PER3: variants seen among roughly 807,000 people sequenced by gnomAD.
PER3 encodes the protein period circadian regulator 3.
A neutral mutation model predicts 127.2 loss-of-function variants in PER3; 107 were observed. That is an observed-to-expected ratio of 0.84 (90% CI 0.72 to 0.99). PER3 has a LOEUF of 0.99. PER3 is among the 50% of genes least tolerant of loss of function. The probability of loss-of-function intolerance (pLI) is 0.00; values close to 1 mark genes in which losing one functional copy is unlikely to be tolerated. For synonymous variants in PER3, 618 were observed against 585.8 expected (o/e 1.05, Z -0.79); for missense variants, 1,560 against 1,525.8 (o/e 1.02, Z -0.37).
chr1:7,817,904 T>G (rs575388517), intron 13 of PER3, among the ~76,000 whole-genome samples: 2 of 152,286 alleles, frequency 1.3e-5, no homozygotes, highest in East Asian at 3.9e-4. Context: ...AATAGTAACT[T>G]TACACAGGAC....
At chr1:7,838,176 T>C (rs1038101157) in intron 21 of PER3, among the ~76,000 whole-genome samples, 2 of 152,220 alleles carry the variant, frequency 1.3e-5, no homozygotes, top group African/African-American at 4.8e-5. Flanking sequence ...ACCCCCTCTT[T>C]TTAAAAACTA....
intron 21 of PER3, among the ~76,000 whole-genome samples, chr1:7,841,784 AT>A (rs2097390639): frequency 1.3e-5 from 2 of 152,174 alleles, no homozygotes; most frequent in African/African-American, 4.8e-5. Context: ...TGGGCTGGTT[AT>A]TGTAAGTGTC....
At chr1:7,793,042 G>A (rs189059859) in intron 5 of PER3, among the ~76,000 whole-genome samples, 25 of 152,262 alleles carry the variant, frequency 1.6e-4, no homozygotes, top group Admixed American at 1.4e-3. Context: ...TTCTGTGATC[G>A]TCTCTTAGAA....
intron 10 of PER3, among the ~76,000 whole-genome samples, chr1:7,807,183 GT>G (rs1315603145): frequency 6.6e-6 from 1 of 152,116 alleles, no homozygotes; most frequent in East Asian, 1.9e-4. Flanking sequence ...GGGAGAGACA[GT>G]TACATAAAAC....
In PER3 at chr1:7,797,848, G is replaced by A. The variant is rs146530087; in HGVS notation, c.645-677G>A. On this transcript the variant is annotated intron_variant, in intron 6 of 21. Coordinates refer to ENST00000377532, the MANE Select transcript of PER3 (RefSeq NM_001377275.1). ...GTGGCATCTCCCAGTAGAAGCATCC[G>A]CTGGGCAGCTGCAGTGGTAACACCG... Among the ~76,000 whole-genome samples the A allele has an allele frequency of 3.0e-3, 455 of 152,206 alleles. 1 individual carries two copies. The highest frequency in any genetic ancestry group is 0.011 in the African/African-American group (438 of 41,528).
At chr1:7,791,984 A>T (rs2097123858) in intron 5 of PER3, among the ~76,000 whole-genome samples, 1 of 152,132 alleles carries the variant, frequency 6.6e-6, no homozygotes, top group South Asian at 2.1e-4. Flanking sequence ...AAGCCCTCCA[A>T]ACTGTTCCAG....
At chr1:7,789,641 A>G (rs914886116) in intron 5 of PER3, among the ~76,000 whole-genome samples, 3 of 152,164 alleles carry the variant, frequency 2.0e-5, no homozygotes, top group Non-Finnish European at 4.4e-5. Flanking sequence ...CATTCACTCC[A>G]TTGCTGTGAA....
At chr1:7,840,491 T>C (rs1368461592) in intron 21 of PER3, among the ~76,000 whole-genome samples, 2 of 151,844 alleles carry the variant, frequency 1.3e-5, no homozygotes, top group African/African-American at 4.8e-5. Context: ...GCTAATTTTT[T>C]AATTTTCGTA....
chr1:7,839,298 A>G (rs1243052804), intron 21 of PER3, among the ~76,000 whole-genome samples: 1 of 152,238 alleles, frequency 6.6e-6, no homozygotes, highest in Non-Finnish European at 1.5e-5. Context: ...TTCCAAAAAC[A>G]TAATTATTTT....
chr1:7,837,122 G>C lies in PER3; in HGVS notation c.3522G>C (p.Gln1174His). ...AGGTGTATAATTGGATTCAAAGCCA[G>C]ACTGTCACTCAAGAAATCGACATTC... ...LAKVYNWIQSQTVTQEIDIQA... is the reference protein window; with the variant it reads ...LAKVYNWIQSHTVTQEIDIQA... Residue 1174 changes from glutamine to histidine, a missense_variant, in exon 21 of 22, where the codon CAG becomes CAC. Transcript: ENST00000377532. 6.2e-7 allele frequency: 1 copy of C among 1,613,704 alleles called. No individual in the cohort carries two copies. Among genetic ancestry groups the C allele is most frequent in the Non-Finnish European group, 8.5e-7 (1 of 1,179,874 alleles).
intron 19 of PER3, among the ~76,000 whole-genome samples, chr1:7,834,695 C>T (rs1454852224): frequency 2.6e-5 from 4 of 152,072 alleles, no homozygotes; most frequent in African/African-American, 9.7e-5. Context: ...TGGCCTCAAG[C>T]AGTCCTCTCA....
rs552540051 is a variant in PER3, at chr1:7,786,389, C to T, written c.275-332C>T. On this transcript the variant is annotated intron_variant, in intron 3 of 21. Transcript: ENST00000377532. ...AAAGCCATATTCTCTTTAGCACAAA[C>T]CTCAGTGCTTCATATATGATATGTT... 2.6e-5 allele frequency among the ~76,000 whole-genome samples: 4 copies of T among 152,170 alleles called. No homozygotes were observed. In the South Asian group the frequency reaches 8.3e-4, roughly 32 times the overall value.
In PER3 at chr1:7,784,383, G is replaced by T. The variant is rs2797687; in HGVS notation, c.-225+7G>T. 0.22 allele frequency: 33,164 copies of T among 150,184 alleles called. 4,280 individuals carry two copies. Among genetic ancestry groups the T allele is most frequent in the East Asian group, 0.38 (1,956 of 5,090 alleles). The allele number at this position is 150,184 out of a possible 1,614,324, so 9.3% of individuals were successfully genotyped here. On this transcript the variant is annotated splice_region_variant and intron_variant, in intron 1 of 21. Coordinates refer to ENST00000377532, the MANE Select transcript of PER3 (RefSeq NM_001377275.1). Reference sequence around the variant, plus strand: ...CCAAGGGCGGGGGCAGCAGGTGAGTGCGCGGCCGGGCGGGAGTTCTGGGCG... The same window carrying T: ...CCAAGGGCGGGGGCAGCAGGTGAGTTCGCGGCCGGGCGGGAGTTCTGGGCG...
chr1:7,808,309 T>C (rs1207200300), intron 10 of PER3, among the ~76,000 whole-genome samples: 1 of 151,192 alleles, frequency 6.6e-6, no homozygotes, highest in African/African-American at 2.4e-5. Context: ...TAAACATCAG[T>C]TCCTTCCCTT....
chr1:7,844,472 TAGTAATAA>T lies in PER3; in HGVS notation c.*1721_*1728del, dbSNP rs1211409455. On this transcript the variant is annotated 3_prime_UTR_variant, in exon 22 of 22. Coordinates refer to ENST00000377532, the MANE Select transcript of PER3 (RefSeq NM_001377275.1). ...TAGATTGTCTGTCAGTGACCTTCTG[TAGTAATAA>T]AGTTTTTGCCACTGTAAATAAAAAC... The T allele has an allele frequency of 6.6e-6, 1 of 152,572 alleles. No individual in the cohort carries two copies. Among genetic ancestry groups the T allele is most frequent in the African/African-American group, 2.4e-5 (1 of 41,454 alleles). The allele number at this position is 152,572 out of a possible 1,614,324, so 9.5% of individuals were successfully genotyped here.
At chr1:7,789,442 T>C (rs2097108637) in intron 5 of PER3, among the ~76,000 whole-genome samples, 1 of 152,206 alleles carries the variant, frequency 6.6e-6, no homozygotes, top group South Asian at 2.1e-4. Context: ...CTCTCTCTCT[T>C]TGCCTGCTGC....
chr1:7,785,123 G>A, intron 2 of PER3, 118 bp downstream of exon 2: 1 of 1,059,244 alleles, frequency 9.4e-7, no homozygotes, highest in Non-Finnish European at 1.4e-6. Context: ...AAAGTGTAAA[G>A]GGGAGACTCG....
chr1:7,828,918 C>T (rs1025098610), intron 18 of PER3, among the ~76,000 whole-genome samples: 2 of 151,826 alleles, frequency 1.3e-5, no homozygotes, highest in African/African-American at 2.4e-5. Flanking sequence ...TATAAATGTT[C>T]GATATGTGTT....
At chr1:7,838,454 G>T (rs747828390) in intron 21 of PER3, among the ~76,000 whole-genome samples, 1 of 151,722 alleles carries the variant, frequency 6.6e-6, no homozygotes, top group Non-Finnish European at 1.5e-5. Flanking sequence ...TCTTGCCCAC[G>T]CTGGAGTGCA....
Sources: allele counts gnomAD v4.1 joint callset (sites outside exome capture counted in the v4.1 genomes callset), GRCh38; gene constraint gnomAD v4.1.1; transcripts MANE v1.5; gene names NCBI Gene and HGNC (gene_info 2026-07-23, HGNC 2026-07-21).